Variants in ARHGAP39 observed in about 807,000 individuals in gnomAD.
ARHGAP39 encodes the protein rho GTPase-activating protein 39.
Under a neutral mutation model 106.9 loss-of-function variants are expected in ARHGAP39, and 44 were observed. The observed-to-expected ratio is 0.41, with a 90% CI of 0.32 to 0.53. ARHGAP39 has a LOEUF of 0.53. ARHGAP39 is among the 20% of genes least tolerant of loss of function. The pLI, the probability that ARHGAP39 is intolerant of heterozygous loss-of-function variation, is 0.21. For missense variants in ARHGAP39, 1,496 were observed against 1,577.3 expected (o/e 0.95, Z 0.87); for synonymous variants, 768 against 693.2 (o/e 1.11, Z -1.69).
At chr8:144,555,753 A>T in intron 3 of ARHGAP39, 110 bp from the exon 4 acceptor site, 1 of 942,026 alleles carries the variant, frequency 1.1e-6, no homozygotes, top group Non-Finnish European at 1.7e-6. Context: ...TCCTGGAAAT[A>T]ACCTGGCTCC....
intron 3 of ARHGAP39, among the ~76,000 whole-genome samples, chr8:144,574,467 G>A (rs750151810): frequency 6.6e-6 from 1 of 152,044 alleles, no homozygotes; most frequent in Non-Finnish European, 1.5e-5. Context: ...TCAGCAGATC[G>A]AGACCATCCT....
rs1343604694 is a variant in ARHGAP39, at chr8:144,622,333, T to C, written c.-81-16638A>G. On this transcript the variant is annotated intron_variant, in intron 1 of 11. Transcript: ENST00000377307. ...AGGTTCCAGAAAAACTTCAGCAATG[T>C]CCTCACACCCCCATGGCCATGTCAG... 4.0e-5 allele frequency among the ~76,000 whole-genome samples: 6 copies of C among 151,724 alleles called. No homozygotes were observed. The East Asian group carries it at 9.7e-4, about 25-fold the overall frequency.
At chr8:144,677,568 C>A (rs373963895) in intron 1 of ARHGAP39, among the ~76,000 whole-genome samples, 12 of 152,186 alleles carry the variant, frequency 7.9e-5, no homozygotes, top group Non-Finnish European at 1.5e-4. Flanking sequence ...TCCATACAGC[C>A]AAATACAGTG....
At chr8:144,564,884 G>C (rs1006761387) in intron 3 of ARHGAP39, among the ~76,000 whole-genome samples, 2 of 151,728 alleles carry the variant, frequency 1.3e-5, no homozygotes, top group Non-Finnish European at 2.9e-5. Flanking sequence ...AGATGGGGGC[G>C]AGTCATCTGA....
chr8:144,677,600 G>C (rs752497347), intron 1 of ARHGAP39, among the ~76,000 whole-genome samples: 1 of 152,092 alleles, frequency 6.6e-6, no homozygotes, highest in East Asian at 1.9e-4. Context: ...AGAATGTACC[G>C]GAAAATGTAC....
At chr8:144,629,929 A>C (rs1291722979) in intron 1 of ARHGAP39, among the ~76,000 whole-genome samples, 1 of 152,084 alleles carries the variant, frequency 6.6e-6, no homozygotes, top group Non-Finnish European at 1.5e-5. Flanking sequence ...CAGGTGCAGC[A>C]CAACGCAGGG....
chr8:144,623,633 T>C (rs1407571700), intron 1 of ARHGAP39, among the ~76,000 whole-genome samples: 2 of 152,130 alleles, frequency 1.3e-5, no homozygotes, highest in African/African-American at 2.4e-5. Flanking sequence ...ACAGAGGAGA[T>C]GGTACAAGAA....
chr8:144,541,457 G>A (rs1451373897), intron 6 of ARHGAP39, among the ~76,000 whole-genome samples: 1 of 152,082 alleles, frequency 6.6e-6, no homozygotes, highest in African/African-American at 2.4e-5. Context: ...CATTTACATT[G>A]TTGTACAACT....
At chr8:144,558,799 A>G (rs1484198725) in intron 3 of ARHGAP39, among the ~76,000 whole-genome samples, 3 of 152,106 alleles carry the variant, frequency 2.0e-5, no homozygotes, top group African/African-American at 7.2e-5. Context: ...TAGGCTGGGC[A>G]CGGTGGCTCA....
chr8:144,681,649 C>T (rs928131314), intron 1 of ARHGAP39, among the ~76,000 whole-genome samples: 2 of 152,180 alleles, frequency 1.3e-5, no homozygotes, highest in African/African-American at 4.8e-5. Flanking sequence ...TGCCAACTCT[C>T]CATGTAGCAT....
intron 7 of ARHGAP39, among the ~76,000 whole-genome samples, chr8:144,535,636 C>T (rs1329713160): frequency 2.0e-5 from 3 of 152,238 alleles, no homozygotes; most frequent in East Asian, 3.8e-4. Flanking sequence ...GACGGCAGGG[C>T]TGGGCCTCCT....
intron 1 of ARHGAP39, among the ~76,000 whole-genome samples, chr8:144,664,088 A>T (rs1453502638): frequency 6.6e-6 from 1 of 151,902 alleles, no homozygotes; most frequent in East Asian, 1.9e-4. Context: ...AATTGCTTGA[A>T]CCCAGGAGGC....
At chr8:144,606,042 G>T (rs1002641849) in intron 1 of ARHGAP39, among the ~76,000 whole-genome samples, 1 of 152,218 alleles carries the variant, frequency 6.6e-6, no homozygotes, top group Non-Finnish European at 1.5e-5. Context: ...CTGGGAGGAG[G>T]GCGAACAGGA....
At chr8:144,656,807 CAAAA>C (rs35058065) in intron 1 of ARHGAP39, among the ~76,000 whole-genome samples, 6 of 42,344 alleles carry the variant, frequency 1.4e-4, no homozygotes, top group Admixed American at 7.5e-4. Flanking sequence ...GACTCCATCT[CAAAA>C]AAAAAAAAAA....
chr8:144,574,201 A>AGGAGGC (rs1291045440), intron 3 of ARHGAP39, among the ~76,000 whole-genome samples: 3 of 148,784 alleles, frequency 2.0e-5, no homozygotes, highest in Admixed American at 2.0e-4. Context: ...GAGGAGGAGG[A>AGGAGGC]GGGGGAAGAA....
intron 3 of ARHGAP39, among the ~76,000 whole-genome samples, chr8:144,578,557 C>A (rs1040102235): frequency 1.3e-5 from 2 of 152,162 alleles, no homozygotes; most frequent in South Asian, 2.1e-4. Context: ...TTTGGCCATG[C>A]ACACTTTGGC....
rs947038822 is a variant in ARHGAP39 at position 144,671,883 on chromosome 8, C to A, written c.-82+13803G>T. ...ATACAGGCAACAGTAAAGACAGGGG[C>A]GAGATGAGTGTGGGTGGGCCTGGCA... On this transcript the variant is annotated intron_variant, in intron 1 of 11. Transcript: ENST00000377307. The surrounding 1 kb of genome is among the most constrained non-coding windows in gnomAD (Gnocchi z 4.5). Among the ~76,000 whole-genome samples the A allele has an allele frequency of 5.3e-5, 8 of 152,178 alleles. No individual in the cohort carries two copies. The highest frequency in any genetic ancestry group is 1.7e-4 in the African/African-American group (7 of 41,434).
chr8:144,693,160 G>C, the ARHGAP39 span, among the ~76,000 whole-genome samples: 2 of 147,200 alleles, frequency 1.4e-5, no homozygotes, highest in East Asian at 2.0e-4. Context: ...CGCCTCCCGG[G>C]TTCAAGCGAT....
Position 144,547,997 on chromosome 8 carries a change from G to A in ARHGAP39, c.1089C>T (p.Gly363=), listed in dbSNP as rs757559087. 7.4e-5 allele frequency: 119 copies of A among 1,610,022 alleles called. No homozygotes were observed. The highest frequency in any genetic ancestry group is 8.4e-5 in the Non-Finnish European group (99 of 1,179,160). The change falls in exon 5 of 12, where the codon GGC becomes GGT. Residue 363 remains glycine (G), a synonymous_variant. Coordinates refer to ENST00000377307, the MANE Select transcript of ARHGAP39 (RefSeq NM_025251.3). The surrounding 1 kb of genome is among the most constrained non-coding windows in gnomAD (Gnocchi z 5.2). ...PRPFLQPNKQ[G]PPSPCQQLVL... is the part of the protein sequence containing the mutation. The stretch of plus-strand genomic sequence containing the variant: ...CCAGCTGCTGGCAGGGCGAGGGGGG[G>A]CCCTGCTTGTTGGGCTGGAGGAACG...
Sources: allele counts gnomAD v4.1 joint callset (sites outside exome capture counted in the v4.1 genomes callset), GRCh38; gene constraint gnomAD v4.1.1; non-coding constraint Gnocchi (gnomAD v3.1); transcripts MANE v1.5; gene names NCBI Gene and HGNC (gene_info 2026-07-23, HGNC 2026-07-21).